The following TDRD15 variants were observed in gnomAD, a reference collection of about 807,000 sequenced individuals.
TDRD15 encodes tudor domain containing 15.
For synonymous variants in TDRD15, 503 were observed against 314.5 expected (o/e 1.60, Z -6.34); for missense variants, 1,416 against 904.7 (o/e 1.57, Z -7.25).
Position 21,138,471 on chromosome 2 carries a change from T to C in TDRD15, c.1004T>C (p.Ile335Thr), listed in dbSNP as rs1363917166. Residue 335 changes from isoleucine to threonine, a missense_variant, in exon 4 of 4, where the codon ATT (isoleucine) becomes ACT (threonine). By Grantham distance (89) the Ile-to-Thr change is moderately conservative. Transcript: ENST00000405799. Reference sequence around the variant, plus strand: ...GGCAGTAGCGAGGCTATACCCTCAATTTATGTAAAGAAACTTAAACAGGAT... The same window carrying C: ...GGCAGTAGCGAGGCTATACCCTCAACTTATGTAAAGAAACTTAAACAGGAT... ...DYGSSEAIPS[I>T]YVKKLKQDFI... The C allele has an allele frequency of 2.8e-6, 2 of 714,612 alleles. No individual in the cohort carries two copies. Among genetic ancestry groups the C allele is most frequent in the Admixed American group, 2.0e-5 (1 of 49,610 alleles). The allele number at this position is 714,612 out of a possible 1,614,324, so 44.3% of individuals were successfully genotyped here.
intron 1 of TDRD15, among the ~76,000 whole-genome samples, chr2:21,127,218 A>G (rs948996880): frequency 3.3e-5 from 5 of 151,808 alleles, no homozygotes; most frequent in Non-Finnish European, 1.5e-5. Context: ...GACAGGTTCT[A>G]GGCTATATGT....
intron 2 of TDRD15, among the ~76,000 whole-genome samples, chr2:21,131,370 A>T (rs1665714975): frequency 1.3e-5 from 2 of 152,240 alleles, no homozygotes; most frequent in Admixed American, 6.5e-5. Context: ...AAAGTACAAG[A>T]TAGGTAGGCC....
chr2:21,128,404 A>G (rs1665641021), intron 2 of TDRD15, among the ~76,000 whole-genome samples: 1 of 150,228 alleles, frequency 6.7e-6, no homozygotes, highest in Non-Finnish European at 1.5e-5. Flanking sequence ...CTCACTGCAA[A>G]CTCTGCCTCC....
chr2:21,134,715 A>G (rs1201863906), intron 2 of TDRD15, 47 bp from the exon 3 acceptor site: 1 of 151,962 alleles, frequency 6.6e-6, no homozygotes, highest in Non-Finnish European at 1.5e-5. Flanking sequence ...CTGCTGCAGA[A>G]AAATAGTTTG....
chr2:21,129,695 T>A (rs1318003729), intron 2 of TDRD15, among the ~76,000 whole-genome samples: 1 of 152,252 alleles, frequency 6.6e-6, no homozygotes. Flanking sequence ...AAGTTTTTTT[T>A]AAACTTTGAT....
At chr2:21,132,113 A>G (rs1665730761) in intron 2 of TDRD15, among the ~76,000 whole-genome samples, 2 of 152,318 alleles carry the variant, frequency 1.3e-5, no homozygotes, top group Non-Finnish European at 2.9e-5. Flanking sequence ...CCCAAAGCCC[A>G]GAGGTGAAAA....
downstream of TDRD15, among the ~76,000 whole-genome samples, chr2:21,144,386 A>C (rs926446448): frequency 6.6e-5 from 10 of 152,012 alleles, no homozygotes; most frequent in East Asian, 1.9e-3. Flanking sequence ...TATTATAACT[A>C]ATGTCATAAC....
rs114461758 is a variant in TDRD15 at position 21,131,578 on chromosome 2, A to T, written c.-89-3184A>T. Among the ~76,000 whole-genome samples, 491 of 152,204 alleles carry T rather than the reference A, an allele frequency of 3.2e-3. 1 individual carries two copies. Among genetic ancestry groups the T allele is most frequent in the Middle Eastern group, 0.02 (6 of 294 alleles). ...TAGCTAGCTTTTCTTCACATCCTTC[A>T]CCCAGAATAGCCTATTGCAACACAT... is the stretch of plus-strand genomic sequence containing the variant. On this transcript the variant is annotated intron_variant, in intron 2 of 3. Transcript: ENST00000405799.
chr2:21,136,478 G>T (rs997563650), intron 3 of TDRD15, among the ~76,000 whole-genome samples: 1 of 151,824 alleles, frequency 6.6e-6, no homozygotes, highest in Non-Finnish European at 1.5e-5. Flanking sequence ...ATTTCTTTCA[G>T]TACATCTATT....
chr2:21,134,834 C>T lies in TDRD15; in HGVS notation c.-17C>T, dbSNP rs886719981. ...ATTAATTGAGTACTGATATCTGAATCCTGTGTATACAGTGTAAGTACTTTC... is the reference window on the plus strand; with the variant it reads ...ATTAATTGAGTACTGATATCTGAATTCTGTGTATACAGTGTAAGTACTTTC... On this transcript the variant is annotated 5_prime_UTR_variant, in exon 3 of 4. Transcript: ENST00000405799. The T allele has an allele frequency of 1.1e-4, 16 of 151,274 alleles. No homozygotes were observed. The highest frequency in any genetic ancestry group is 1.6e-4 in the Non-Finnish European group (11 of 67,728). 9.4% of individuals were successfully genotyped at this position (151,274 alleles called of 1,614,324 possible). A position where few individuals can be genotyped will look rare whatever the true frequency, so the allele number is the denominator to read the frequency against.
chr2:21,135,723 G>T (rs1003423367), intron 3 of TDRD15, among the ~76,000 whole-genome samples: 8 of 151,868 alleles, frequency 5.3e-5, no homozygotes, highest in Admixed American at 6.6e-5. Context: ...CCCCACACCC[G>T]GGTTGGGGTG....
At chr2:21,129,483 A>T (rs1042498091) in intron 2 of TDRD15, among the ~76,000 whole-genome samples, 1 of 152,134 alleles carries the variant, frequency 6.6e-6, no homozygotes, top group Non-Finnish European at 1.5e-5. Context: ...TTATATGCTT[A>T]TTGGCCTTTT....
intron 3 of TDRD15, among the ~76,000 whole-genome samples, chr2:21,135,936 C>T (rs906501034): frequency 6.6e-6 from 1 of 151,948 alleles, no homozygotes; most frequent in African/African-American, 2.4e-5. Flanking sequence ...GCTTGGTTGT[C>T]TTCTATGTAC....
rs375724059 is a variant in TDRD15, at chr2:21,128,618, G to A, written c.-90+907G>A. On this transcript the variant is annotated intron_variant, in intron 2 of 3. Coordinates refer to ENST00000405799, the MANE Select transcript of TDRD15 (RefSeq NM_001306137.2). ...ATTACAGGCATGAGCCACCATGCCC[G>A]GCCTGTATTCTTTTCTGTATAGCAA... Among the ~76,000 whole-genome samples, 5 of 151,926 alleles carry A rather than the reference G, an allele frequency of 3.3e-5. No individual in the cohort carries two copies. The East Asian group carries it at 5.8e-4, about 18-fold the overall frequency.
chr2:21,127,793 C>G (rs1453837337), intron 2 of TDRD15, 82 bp downstream of exon 2: 1 of 152,080 alleles, frequency 6.6e-6, no homozygotes, highest in Non-Finnish European at 1.5e-5. Flanking sequence ...CTTTGCATTT[C>G]CATAAAAGGT....
At chr2:21,126,577 G>C (rs528418312) in intron 1 of TDRD15, among the ~76,000 whole-genome samples, 1 of 152,218 alleles carries the variant, frequency 6.6e-6, no homozygotes, top group South Asian at 2.1e-4. Flanking sequence ...TGTTGGTCAG[G>C]CTGATCTTGA....
At position 21,139,680 on chromosome 2, in the gene TDRD15, C is replaced by T; in HGVS notation, c.2213C>T (p.Ser738Phe). 1 of 713,352 alleles carries T rather than the reference C, an allele frequency of 1.4e-6. No individual in the cohort carries two copies. The highest frequency in any genetic ancestry group is 1.5e-5 in the South Asian group (1 of 66,774). The allele number at this position is 713,352 out of a possible 1,614,324, so 44.2% of individuals were successfully genotyped here. The change falls in exon 4 of 4, where the codon TCT becomes TTT. Residue 738 changes from serine (S) to phenylalanine (F), a missense_variant. Physicochemically the swap from Ser to Phe is radical, Grantham distance 155. Transcript: ENST00000405799. ...ISEFKNPFTL[S>F]VGPESSWPYK... ...GAATTTAAAAATCCTTTCACCTTGT[C>T]TGTGGGACCTGAGTCATCCTGGCCT...
rs756498941 is a variant in TDRD15, at chr2:21,142,175, T to C, written c.4708T>C (p.Leu1570=). The C allele has an allele frequency of 8.9e-6, 6 of 673,482 alleles. No individual in the cohort carries two copies. The South Asian group carries it at 1.0e-4, about 11-fold the overall frequency. The allele number at this position is 673,482 out of a possible 1,614,324, so 41.7% of individuals were successfully genotyped here. ...GAAAGAAGAAAAAAAATCCCCTTTT[T>C]TATCAATGGAAAGTATTGAAAAAGG... The part of the protein sequence containing the change: ...ITKEEKKSPF[L]SMESIEKGLE... The change falls in exon 4 of 4, where the codon TTA becomes CTA. Residue 1570 remains leucine (L), a synonymous_variant. Transcript: ENST00000405799.
chr2:21,144,788 C>T (rs983913598), downstream of TDRD15, among the ~76,000 whole-genome samples: 59 of 151,446 alleles, frequency 3.9e-4, 1 homozygote, highest in Admixed American at 3.2e-3. Context: ...AGCAAAATGT[C>T]GCACTTAAAC....
Sources: gnomAD v4.1 joint callset for allele counts (sites outside exome capture counted in the v4.1 genomes callset) on GRCh38, gnomAD v4.1.1 for gene constraint, MANE v1.5 for transcripts, NCBI Gene and HGNC (gene_info 2026-07-23, HGNC 2026-07-21) for gene names.